The following PDE4D variants were observed in gnomAD, a reference collection of about 807,000 sequenced individuals.
PDE4D encodes the protein phosphodiesterase 4D.
In PDE4D, 24 loss-of-function variants were observed where a neutral mutation model predicts 87.4. That is an observed-to-expected ratio of 0.27 (90% CI 0.20 to 0.39). The LOEUF is 0.39. Ranked by LOEUF, PDE4D falls within the 10% of genes least tolerant of loss-of-function variation. The probability of loss-of-function intolerance (pLI) is 1.00; values close to 1 mark genes in which losing one functional copy is unlikely to be tolerated. For missense variants in PDE4D, 714 were observed against 1,041.0 expected, an observed-to-expected ratio of 0.69 and a Z score of 4.32; for synonymous variants, 384 against 383.2, an observed-to-expected ratio of 1.00 and a Z score of -0.02.
intron 1 of PDE4D, among the ~76,000 whole-genome samples, chr5:59,681,840 G>A (rs1267272993): frequency 1.4e-5 from 2 of 147,512 alleles, no homozygotes; most frequent in Non-Finnish European, 3.0e-5. Flanking sequence ...GGTGGAGGTT[G>A]CAGTGAGCCG....
chr5:60,204,937 C>A (rs938859578), intron 1 of PDE4D, among the ~76,000 whole-genome samples: 31 of 152,158 alleles, frequency 2.0e-4, no homozygotes, highest in African/African-American at 7.2e-4. Context: ...GTGTGAAGGA[C>A]CTGGGACATT....
At chr5:59,185,374 C>T (rs910438466) in intron 3 of PDE4D, 112 bp from the exon 4 acceptor site, 35 of 697,724 alleles carry the variant, frequency 5.0e-5, no homozygotes, top group Non-Finnish European at 8.6e-5. Flanking sequence ...GTTTCATATA[C>T]CACTAAAGAA....
At chr5:59,495,850 G>A (rs1034012351) in intron 1 of PDE4D, among the ~76,000 whole-genome samples, 7 of 152,122 alleles carry the variant, frequency 4.6e-5, no homozygotes, top group Non-Finnish European at 8.8e-5. Context: ...TCGATCCCAC[G>A]GCAGCATCTA....
At chr5:60,035,099 T>C (rs907644623) in intron 2 of PDE4D, among the ~76,000 whole-genome samples, 2 of 151,898 alleles carry the variant, frequency 1.3e-5, no homozygotes, top group African/African-American at 4.8e-5. Flanking sequence ...CTATTAAAAA[T>C]ACAAAAATTA....
intron 1 of PDE4D, among the ~76,000 whole-genome samples, chr5:60,496,431 A>G (rs577366058): frequency 2.0e-5 from 3 of 152,272 alleles, no homozygotes; most frequent in Admixed American, 6.5e-5. Context: ...TTTCTGACAC[A>G]TTGCAGCCTT....
chr5:60,331,878 T>G (rs1044163034), intron 1 of PDE4D, among the ~76,000 whole-genome samples: 10 of 152,368 alleles, frequency 6.6e-5, no homozygotes, highest in African/African-American at 2.4e-4. Context: ...CCTTAGCTAC[T>G]CTGCTTCAGT....
chr5:59,383,216 T>G (rs1330136009), intron 1 of PDE4D, among the ~76,000 whole-genome samples: 1 of 152,170 alleles, frequency 6.6e-6, no homozygotes, highest in Non-Finnish European at 1.5e-5. Context: ...GCACGGTCTC[T>G]ACATCCCATA....
chr5:59,375,989 G>A (rs960388489), intron 1 of PDE4D, among the ~76,000 whole-genome samples: 4 of 152,054 alleles, frequency 2.6e-5, no homozygotes, highest in Admixed American at 6.6e-5. Context: ...ATTCAAGATC[G>A]CTTCATGTTA....
At chr5:60,233,814 C>T (rs2149634207) in intron 1 of PDE4D, among the ~76,000 whole-genome samples, 2 of 151,836 alleles carry the variant, frequency 1.3e-5, no homozygotes, top group African/African-American at 4.8e-5. Context: ...AACTGAGACA[C>T]AGAGAAATTA....
In PDE4D at chr5:60,237,669, G is replaced by A. The variant is rs111847584; in HGVS notation, c.-89-51982C>T. On this transcript the variant is annotated intron_variant, in intron 1 of 16. Transcript: ENST00000502484. ...AAAGCATAGCACAAGGGAGATCATT[G>A]TAGTGATTGGGGCTGTTCTGAATCT... Among the ~76,000 whole-genome samples, 228 of 152,144 alleles carry A rather than the reference G, an allele frequency of 1.5e-3. 2 individuals carry two copies. Among genetic ancestry groups the A allele is most frequent in the African/African-American group, 5.2e-3 (218 of 41,548 alleles).
chr5:59,570,407 G>A (rs776660089), intron 1 of PDE4D, among the ~76,000 whole-genome samples: 2 of 152,092 alleles, frequency 1.3e-5, no homozygotes, highest in African/African-American at 4.8e-5. Context: ...ACACATTCGG[G>A]TGCCAAAGAA....
chr5:59,576,878 G>A (rs574151941), intron 1 of PDE4D, among the ~76,000 whole-genome samples: 1 of 152,104 alleles, frequency 6.6e-6, no homozygotes, highest in Admixed American at 6.6e-5. Context: ...CACACCCAAA[G>A]GTTTAAGACT....
At chr5:60,295,852 A>C (rs1196638680) in intron 1 of PDE4D, among the ~76,000 whole-genome samples, 4 of 152,172 alleles carry the variant, frequency 2.6e-5, no homozygotes, top group Non-Finnish European at 5.9e-5. Context: ...GTCTTAGTCC[A>C]CCTGGGCTGC....
At chr5:59,209,780 C>T (rs1749674453) in intron 2 of PDE4D, among the ~76,000 whole-genome samples, 1 of 152,122 alleles carries the variant, frequency 6.6e-6, no homozygotes, top group South Asian at 2.1e-4. Flanking sequence ...TCATTTTTAT[C>T]CAGCAACTGC....
rs867541545 is a variant in PDE4D, at chr5:59,766,826, C to G, written c.455+126342G>C. Among the ~76,000 whole-genome samples, 3 of 152,316 alleles carry G rather than the reference C, an allele frequency of 2.0e-5. 1 individual carries two copies. The highest frequency in any genetic ancestry group is 6.8e-3 in the Middle Eastern group (2 of 294). On this transcript the variant is annotated intron_variant, in intron 1 of 14. Transcript: ENST00000340635. ...AAAGAAAATCTTCCTCAAAGAGAAG[C>G]CATCATTTCCCAATAACTGCTTTAA...
At chr5:59,630,920 T>G (rs1002592293) in intron 1 of PDE4D, among the ~76,000 whole-genome samples, 1 of 151,770 alleles carries the variant, frequency 6.6e-6, no homozygotes, top group Non-Finnish European at 1.5e-5. Flanking sequence ...TGACGCTCGG[T>G]TTTTTTTCCC....
chr5:59,496,309 TG>T (rs1227571670), intron 1 of PDE4D, among the ~76,000 whole-genome samples: 1 of 152,036 alleles, frequency 6.6e-6, no homozygotes, highest in Non-Finnish European at 1.5e-5. Flanking sequence ...GCTAGGGTCT[TG>T]GGGTTTTTAT....
intron 5 of PDE4D, among the ~76,000 whole-genome samples, chr5:59,164,638 A>G (rs1261640913): frequency 1.3e-5 from 2 of 152,192 alleles, no homozygotes; most frequent in Admixed American, 1.3e-4. Context: ...TCCCCTGGGA[A>G]AAAGCACATA....
rs1031867477 is a variant in PDE4D, at chr5:59,586,037, A to G, written c.455+307131T>C. Among the ~76,000 whole-genome samples the G allele has an allele frequency of 5.3e-5, 8 of 152,358 alleles. No individual in the cohort carries two copies. The East Asian group carries it at 1.5e-3, about 29-fold the overall frequency. ...ACAAACCCTAAGCCTCATCTTTAAA[A>G]AAATTTATTAAATTGTTGCCATTCT... On this transcript the variant is annotated intron_variant, in intron 1 of 14. Transcript: ENST00000340635.
Sources: gnomAD v4.1 joint callset for allele counts (sites outside exome capture counted in the v4.1 genomes callset) on GRCh38, gnomAD v4.1.1 for gene constraint, MANE v1.5 for transcripts, NCBI Gene and HGNC (gene_info 2026-07-23, HGNC 2026-07-21) for gene names.